DMD: variants seen among roughly 807,000 people sequenced by gnomAD.
The protein encoded by DMD is mutant dystrophin.
A neutral mutation model predicts 330.1 loss-of-function variants in DMD; 63 were observed. The observed-to-expected ratio is 0.19, with a 90% CI of 0.16 to 0.24. DMD has a LOEUF of 0.24. DMD is among the 10% of genes least tolerant of loss of function. The probability of loss-of-function intolerance (pLI) is 1.00; values close to 1 mark genes in which losing one functional copy is unlikely to be tolerated. For missense variants in DMD, 3,344 were observed against 2,684.1 expected, an observed-to-expected ratio of 1.25 and a Z score of -5.43; for synonymous variants, 1,223 against 959.8, an observed-to-expected ratio of 1.27 and a Z score of -5.07.
At chrX:31,664,229 G>A (rs1057044856) in intron 53 of DMD, among the ~76,000 whole-genome samples, 1 of 111,249 alleles carries the variant, frequency 9.0e-6, no homozygotes, top group Non-Finnish European at 1.9e-5. Context: ...ATCTCAGGAG[G>A]AGAATGAGTG....
At chrX:32,371,365 C>T (rs980467006) in intron 34 of DMD, among the ~76,000 whole-genome samples, 1 of 110,719 alleles carries the variant, frequency 9.0e-6, no homozygotes, top group Admixed American at 9.7e-5. Context: ...TCTCAGGCAA[C>T]TCTTGGCATA....
intron 44 of DMD, among the ~76,000 whole-genome samples, chrX:32,183,575 T>TAAAA (rs1304244231): frequency 8.9e-5 from 9 of 101,433 alleles, no homozygotes; most frequent in East Asian, 6.0e-4. Context: ...TATATAAATA[T>TAAAA]ATATATATAT....
At chrX:32,382,125 C>T (rs16990281) in intron 33 of DMD, among the ~76,000 whole-genome samples, 17,103 of 110,809 alleles carry the variant, frequency 0.15, 1,205 homozygotes, top group African/African-American at 0.27. Flanking sequence ...AAAACTGTGC[C>T]TGAATGTATA....
chrX:32,343,125 C>T lies in DMD; in HGVS notation c.5739+9G>A. 8.3e-7 allele frequency: 1 copy of T among 1,207,155 alleles called. No individual in the cohort carries two copies. Among genetic ancestry groups the T allele is most frequent in the Non-Finnish European group, 1.1e-6 (1 of 891,848 alleles). On this transcript the variant is annotated intron_variant, in intron 40 of 78. Coordinates refer to ENST00000357033, the MANE Select transcript of DMD (RefSeq NM_004006.3). ...AAAATCTGGTATTGACATTCTAAAA[C>T]AACATTACCTTTATTTTCCTTTCAT...
At chrX:31,585,229 T>TG (rs1267629204) in intron 55 of DMD, among the ~76,000 whole-genome samples, 1 of 100,041 alleles carries the variant, frequency 1.0e-5, no homozygotes, top group Non-Finnish European at 2.0e-5. Flanking sequence ...AGGCTGAGGT[T>TG]GGGGGGATCA....
intron 43 of DMD, among the ~76,000 whole-genome samples, chrX:32,222,061 T>A (rs977253547): frequency 8.9e-6 from 1 of 111,974 alleles, no homozygotes; most frequent in Non-Finnish European, 1.9e-5. Context: ...TGCGTGCAAG[T>A]GTCTTTTTGA....
intron 41 of DMD, among the ~76,000 whole-genome samples, chrX:32,335,598 A>G (rs958260897): frequency 8.9e-4 from 26 of 29,167 alleles, no homozygotes; most frequent in Non-Finnish European, 8.7e-4. Context: ...TATGTTATAT[A>G]TAAAACATTA....
chrX:32,423,059 G>A (rs1475443171), intron 29 of DMD, among the ~76,000 whole-genome samples: 3 of 110,443 alleles, frequency 2.7e-5, no homozygotes, highest in South Asian at 3.7e-4. Flanking sequence ...TTCTGAAAAG[G>A]TACATTGATA....
Position 31,511,312 on chromosome X carries a change from T to TTTTA in DMD, c.8218-3863_8218-3860dup, listed in dbSNP as rs763976919. On this transcript the variant is annotated intron_variant, in intron 55 of 78. Coordinates refer to ENST00000357033, the MANE Select transcript of DMD (RefSeq NM_004006.3). ...ATGATATTTGTCTAAACTCATCATT[T>TTTTA]TTTATTTATTTATTTATTTATTTAT... Among the ~76,000 whole-genome samples, 340 of 100,087 alleles carry TTTTA rather than the reference T, an allele frequency of 3.4e-3. 1 individual carries two copies. The highest frequency in any genetic ancestry group is 3.4e-3 in the Non-Finnish European group (173 of 50,443). 86.9% of individuals were successfully genotyped at this position (100,087 alleles called of 115,157 possible). A position where few individuals can be genotyped will look rare whatever the true frequency, so the allele number is the denominator to read the frequency against.
chrX:33,153,444 T>A (rs2148636472), intron 1 of DMD, among the ~76,000 whole-genome samples: 1 of 112,607 alleles, frequency 8.9e-6, no homozygotes, highest in Admixed American at 9.4e-5. Context: ...AAAACAAAAC[T>A]GTATTTCCCA....
rs2149680239 is a variant in DMD, at chrX:31,875,274, T to A, written c.7012A>T (p.Asn2338Tyr). The stretch of plus-strand genomic sequence containing the variant: ...GGAGATAACCACAGCAGCAGATGAT[T>A]TAACTGCTCTTCAAGGTCTTCAAGC... ...KKLEDLEEQL[N>Y]HLLLWLSPIR... The change falls in exon 48 of 79, where the codon AAT becomes TAT. Residue 2338 changes from asparagine to tyrosine, a missense_variant. Asn to Tyr is a moderately radical substitution (Grantham distance 143). Coordinates refer to ENST00000357033, the MANE Select transcript of DMD (RefSeq NM_004006.3). 1 of 1,207,142 alleles carries A rather than the reference T, an allele frequency of 8.3e-7. No individual in the cohort carries two copies. The highest frequency in any genetic ancestry group is 1.1e-6 in the Non-Finnish European group (1 of 892,366).
At chrX:33,289,413 A>G (rs2053481587) in intron 1 of DMD, among the ~76,000 whole-genome samples, 1 of 111,388 alleles carries the variant, frequency 9.0e-6, no homozygotes, top group Admixed American at 9.6e-5. Flanking sequence ...TTTCACACAG[A>G]AAGACACTAT....
intron 74 of DMD, among the ~76,000 whole-genome samples, chrX:31,150,271 C>T (rs2037250328): frequency 8.9e-6 from 1 of 111,892 alleles, no homozygotes. Flanking sequence ...AGGTAGTATA[C>T]TTTTTCTTCC....
At chrX:32,589,532 A>T (rs2054658016) in intron 13 of DMD, among the ~76,000 whole-genome samples, 1 of 110,987 alleles carries the variant, frequency 9.0e-6, no homozygotes, top group South Asian at 3.7e-4. Flanking sequence ...CTATATACAC[A>T]TTTATACATA....
intron 13 of DMD, among the ~76,000 whole-genome samples, chrX:32,580,090 A>G (rs970035409): frequency 4.5e-5 from 5 of 110,180 alleles, no homozygotes; most frequent in African/African-American, 1.6e-4. Flanking sequence ...GATACCAGAA[A>G]ATAAAGAGCA....
chrX:32,244,086 C>T (rs1229750896), intron 43 of DMD, among the ~76,000 whole-genome samples: 2 of 91,007 alleles, frequency 2.2e-5, no homozygotes, highest in African/African-American at 4.0e-5. Context: ...GGTATATCTC[C>T]CAATGCTATC....
At chrX:32,020,779 A>G (rs1319505206) in intron 44 of DMD, among the ~76,000 whole-genome samples, 5 of 112,694 alleles carry the variant, frequency 4.4e-5, no homozygotes, top group Non-Finnish European at 1.9e-5. Context: ...ATATACAAAC[A>G]AAAGTAATGC....
intron 50 of DMD, among the ~76,000 whole-genome samples, chrX:31,805,946 C>A (rs1453430091): frequency 4.5e-5 from 5 of 112,264 alleles, no homozygotes; most frequent in Non-Finnish European, 9.4e-5. Context: ...CAACCAACTG[C>A]CTGTTCTTGC....
intron 59 of DMD, among the ~76,000 whole-genome samples, chrX:31,476,971 T>G (rs1251255002): frequency 2.7e-5 from 3 of 111,460 alleles, no homozygotes; most frequent in African/African-American, 9.8e-5. Context: ...CCTGGAAAAT[T>G]TGTTGGATGA....
Sources: gnomAD v4.1 joint callset for allele counts (sites outside exome capture counted in the v4.1 genomes callset) on GRCh38, gnomAD v4.1.1 for gene constraint, MANE v1.5 for transcripts, NCBI Gene and HGNC (gene_info 2026-07-23, HGNC 2026-07-21) for gene names.